Variants in MSRB3 observed in about 807,000 individuals in gnomAD.
The protein encoded by MSRB3 is methionine-R-sulfoxide reductase B3.
MSRB3 carries 13 observed loss-of-function variants against 21.0 expected under a neutral mutation model. That is an observed-to-expected ratio of 0.62 (90% CI 0.40 to 0.98). MSRB3 has a LOEUF of 0.98. Among genes scored for constraint, MSRB3 ranks in the 50% least tolerant of loss-of-function variants. The pLI is 0.00. For synonymous variants in MSRB3, 87 were observed against 88.6 expected (o/e 0.98, Z 0.10); for missense variants, 199 against 230.3 (o/e 0.86, Z 0.88).
intron 1 of MSRB3, among the ~76,000 whole-genome samples, chr12:65,289,291 T>C (rs1246332090): frequency 6.6e-6 from 1 of 152,186 alleles, no homozygotes; most frequent in Non-Finnish European, 1.5e-5. Context: ...GGTCAGGAGT[T>C]CGAGGCTAGC....
In MSRB3 at chr12:65,465,578, C is replaced by G. The variant is rs1372877966; in HGVS notation, c.*2256C>G. ...AGCACCTCTCTAAGAAGCCTGACATCCCGGTGGACTCTTTATAGTCATGTA... is the reference window on the plus strand; with the variant it reads ...AGCACCTCTCTAAGAAGCCTGACATGCCGGTGGACTCTTTATAGTCATGTA... On this transcript the variant is annotated 3_prime_UTR_variant, in exon 7 of 7. Coordinates refer to ENST00000308259, the MANE Select transcript of MSRB3 (RefSeq NM_001031679.3). The G allele has an allele frequency of 1.3e-5, 2 of 152,124 alleles. No individual in the cohort carries two copies. The highest frequency in any genetic ancestry group is 4.8e-5 in the African/African-American group (2 of 41,426). 9.4% of individuals were successfully genotyped at this position (152,124 alleles called of 1,614,324 possible). A position where few individuals can be genotyped will look rare whatever the true frequency, so the allele number is the denominator to read the frequency against.
chr12:65,414,318 G>C (rs1880862845), intron 5 of MSRB3, among the ~76,000 whole-genome samples: 1 of 152,074 alleles, frequency 6.6e-6, no homozygotes, highest in Non-Finnish European at 1.5e-5. Flanking sequence ...AGCAGCTATA[G>C]GAATGAGGTA....
intron 4 of MSRB3, among the ~76,000 whole-genome samples, chr12:65,345,953 A>G (rs971331471): frequency 3.9e-5 from 6 of 152,128 alleles, no homozygotes; most frequent in Admixed American, 6.6e-5. Flanking sequence ...TGGTGTATAT[A>G]TGTGCCACAT....
chr12:65,351,536 A>G (rs1876992895), intron 4 of MSRB3, among the ~76,000 whole-genome samples: 1 of 150,226 alleles, frequency 6.7e-6, no homozygotes, highest in Non-Finnish European at 1.5e-5. Context: ...TGGTTTTTTG[A>G]AGGGATCAAC....
At chr12:65,331,424 G>A (rs1875410114) in intron 4 of MSRB3, among the ~76,000 whole-genome samples, 1 of 152,186 alleles carries the variant, frequency 6.6e-6, no homozygotes, top group South Asian at 2.1e-4. Flanking sequence ...CGTACACACA[G>A]GGCTGAGGGC....
intron 5 of MSRB3, among the ~76,000 whole-genome samples, chr12:65,372,656 G>A (rs192578706): frequency 1.3e-5 from 2 of 152,320 alleles, no homozygotes; most frequent in Admixed American, 1.3e-4. Flanking sequence ...GTTAGTTGAT[G>A]CTGGAGGAAG....
chr12:65,400,002 G>T (rs1463915416), intron 5 of MSRB3, among the ~76,000 whole-genome samples: 1 of 152,126 alleles, frequency 6.6e-6, no homozygotes, highest in African/African-American at 2.4e-5. Context: ...GATTTGGTTT[G>T]CCAGTATTTT....
At chr12:65,393,238 A>G (rs1469900405) in intron 5 of MSRB3, among the ~76,000 whole-genome samples, 1 of 152,176 alleles carries the variant, frequency 6.6e-6, no homozygotes, top group Non-Finnish European at 1.5e-5. Flanking sequence ...TCTTAGAAAT[A>G]TAATATAGCT....
At chr12:65,376,118 A>ATT (rs58214332) in intron 5 of MSRB3, among the ~76,000 whole-genome samples, 3,801 of 131,906 alleles carry the variant, frequency 0.029, 142 homozygotes, top group East Asian at 0.07. Flanking sequence ...TGAGTTTGTA[A>ATT]TTTTTTTTTT....
At chr12:65,358,498 T>A (rs915955107) in intron 4 of MSRB3, among the ~76,000 whole-genome samples, 3 of 152,062 alleles carry the variant, frequency 2.0e-5, no homozygotes, top group African/African-American at 7.2e-5. Flanking sequence ...GAGAGCTTTT[T>A]CAGTTGGCTC....
chr12:65,436,809 T>G (rs1882138740), intron 5 of MSRB3, among the ~76,000 whole-genome samples: 1 of 151,958 alleles, frequency 6.6e-6, no homozygotes, highest in Non-Finnish European at 1.5e-5. Context: ...CTCTCTGAGC[T>G]GCCACAGAGA....
chr12:65,377,659 G>A (rs1878704280), intron 5 of MSRB3, among the ~76,000 whole-genome samples: 1 of 152,156 alleles, frequency 6.6e-6, no homozygotes, highest in African/African-American at 2.4e-5. Flanking sequence ...CATGAAGTTG[G>A]AAATTTTTGT....
At chr12:65,377,869 T>G (rs1156705189) in intron 5 of MSRB3, among the ~76,000 whole-genome samples, 1 of 152,204 alleles carries the variant, frequency 6.6e-6, no homozygotes, top group African/African-American at 2.4e-5. Flanking sequence ...GTAGCCAATA[T>G]GCTTTCCTTA....
At chr12:65,396,698 AAAAAAAAAAGAAAGAAAG>A (rs201902124) in intron 5 of MSRB3, among the ~76,000 whole-genome samples, 39,572 of 113,384 alleles carry the variant, frequency 0.35, 6,693 homozygotes, top group East Asian at 0.5. Context: ...TCTCAAAAAA[AAAAAAAAAAGAAAGAAAG>A]AAAGAAAGAA....
At chr12:65,408,556 G>T (rs138127579) in intron 5 of MSRB3, among the ~76,000 whole-genome samples, 36 of 152,182 alleles carry the variant, frequency 2.4e-4, no homozygotes, top group African/African-American at 7.9e-4. Context: ...TAGTTCTTTC[G>T]GTTGTAATCT....
At chr12:65,290,886 A>C (rs1204754677) in intron 1 of MSRB3, among the ~76,000 whole-genome samples, 2 of 152,192 alleles carry the variant, frequency 1.3e-5, no homozygotes, top group African/African-American at 4.8e-5. Flanking sequence ...TTTCAGTATG[A>C]AATAACCAAG....
chr12:65,315,918 A>G (rs973036139), intron 2 of MSRB3: 8 of 152,166 alleles, frequency 5.3e-5, no homozygotes, highest in African/African-American at 1.9e-4. Context: ...TCCTGTAACT[A>G]TAGCTTTGTA....
chr12:65,370,292 CT>C (rs1344609375), intron 5 of MSRB3, among the ~76,000 whole-genome samples: 2 of 152,040 alleles, frequency 1.3e-5, no homozygotes, highest in Non-Finnish European at 2.9e-5. Flanking sequence ...AAGTTAAAAT[CT>C]TTAAGTATAA....
At chr12:65,280,473 T>G (rs1871946326) in intron 1 of MSRB3, among the ~76,000 whole-genome samples, 1 of 152,206 alleles carries the variant, frequency 6.6e-6, no homozygotes, top group African/African-American at 2.4e-5. Context: ...TACCTAATAC[T>G]TGTGGTGAAA....
Sources: gnomAD v4.1 joint callset for allele counts (sites outside exome capture counted in the v4.1 genomes callset) on GRCh38, gnomAD v4.1.1 for gene constraint, MANE v1.5 for transcripts, NCBI Gene and HGNC (gene_info 2026-07-23, HGNC 2026-07-21) for gene names.